ASCC1: variants seen among roughly 807,000 people sequenced by gnomAD.
ASCC1 encodes the protein ASC-1 complex subunit P50.
A neutral mutation model predicts 46.6 loss-of-function variants in ASCC1; 35 were observed. The observed-to-expected ratio is 0.75, with a 90% CI of 0.57 to 0.99. The LOEUF is 0.99. ASCC1 is among the 50% of genes least tolerant of loss of function. The probability of loss-of-function intolerance (pLI) is 0.00; values close to 1 mark genes in which losing one functional copy is unlikely to be tolerated. For missense variants in ASCC1, 376 were observed against 428.7 expected, an observed-to-expected ratio of 0.88 and a Z score of 1.09; for synonymous variants, 143 against 146.6, an observed-to-expected ratio of 0.98 and a Z score of 0.18.
At chr10:72,214,192 AAAC>A (rs140671862) in intron 1 of ASCC1, among the ~76,000 whole-genome samples, 11,520 of 151,374 alleles carry the variant, frequency 0.076, 1,160 homozygotes, top group African/African-American at 0.22. Context: ...GTCTCTCAAA[AAAC>A]AACAACAACA....
chr10:72,191,170 G>A (rs1266684011), intron 5 of ASCC1, among the ~76,000 whole-genome samples: 2 of 149,240 alleles, frequency 1.3e-5, no homozygotes, highest in African/African-American at 4.9e-5. Flanking sequence ...CGATTCTCCT[G>A]CCTCAGCCTC....
intron 9 of ASCC1, among the ~76,000 whole-genome samples, chr10:72,117,089 T>G (rs997032483): frequency 6.6e-5 from 10 of 151,906 alleles, no homozygotes; most frequent in African/African-American, 2.4e-4. Context: ...TGAGCCACCA[T>G]GCCTGGCTTT....
intron 7 of ASCC1, among the ~76,000 whole-genome samples, chr10:72,139,545 G>A (rs1484143622): frequency 2.0e-5 from 3 of 152,162 alleles, no homozygotes; most frequent in Non-Finnish European, 2.9e-5. Context: ...TATGAAAAAA[G>A]GAATGAATTA....
chr10:72,162,325 C>T (rs1849792742), intron 5 of ASCC1, among the ~76,000 whole-genome samples: 1 of 151,952 alleles, frequency 6.6e-6, no homozygotes, highest in South Asian at 2.1e-4. Flanking sequence ...CGCCCGCCAC[C>T]ACGCCCGGCT....
intron 9 of ASCC1, among the ~76,000 whole-genome samples, chr10:72,109,532 G>T (rs910027514): frequency 1.3e-5 from 2 of 152,186 alleles, no homozygotes; most frequent in Admixed American, 1.3e-4. Flanking sequence ...CAGACAAACA[G>T]AGCCAGGGAG....
At chr10:72,184,710 A>T (rs1027725864) in intron 5 of ASCC1, among the ~76,000 whole-genome samples, 11 of 152,030 alleles carry the variant, frequency 7.2e-5, no homozygotes, top group African/African-American at 2.7e-4. Context: ...AAGTAGATAC[A>T]AAATCAGTAT....
intron 9 of ASCC1, among the ~76,000 whole-genome samples, chr10:72,102,142 AATT>A (rs2131900444): frequency 6.6e-6 from 1 of 152,274 alleles, no homozygotes; most frequent in East Asian, 1.9e-4. Context: ...CTAAAATAAA[AATT>A]ACAAAAGAAA....
chr10:72,164,879 G>A (rs1338520871), intron 5 of ASCC1, among the ~76,000 whole-genome samples: 1 of 152,192 alleles, frequency 6.6e-6, no homozygotes, highest in Admixed American at 6.5e-5. Flanking sequence ...AACGATCAAT[G>A]ATGATGACAT....
intron 5 of ASCC1, among the ~76,000 whole-genome samples, chr10:72,167,488 T>C (rs1432825705): frequency 6.6e-6 from 1 of 151,922 alleles, no homozygotes; most frequent in African/African-American, 2.4e-5. Flanking sequence ...CTTTTTAGGG[T>C]GATGGAAATG....
intron 9 of ASCC1, among the ~76,000 whole-genome samples, chr10:72,118,259 T>C (rs1843727334): frequency 2.0e-5 from 3 of 149,638 alleles, no homozygotes; most frequent in Admixed American, 6.7e-5. Context: ...CCCAGCTACT[T>C]GGGAGGCTGA....
chr10:72,131,532 T>C (rs1845607714), intron 8 of ASCC1, among the ~76,000 whole-genome samples: 1 of 151,926 alleles, frequency 6.6e-6, no homozygotes, highest in Non-Finnish European at 1.5e-5. Flanking sequence ...AACAAGAGTA[T>C]ATAGGCTTTA....
At chr10:72,164,153 G>A (rs181681616) in intron 5 of ASCC1, among the ~76,000 whole-genome samples, 17 of 152,102 alleles carry the variant, frequency 1.1e-4, no homozygotes, top group Admixed American at 9.8e-4. Flanking sequence ...TGTAGACAGG[G>A]TTTTTACCAT....
At chr10:72,150,801 T>G (rs1298059700) in intron 7 of ASCC1, among the ~76,000 whole-genome samples, 1 of 152,198 alleles carries the variant, frequency 6.6e-6, no homozygotes, top group Non-Finnish European at 1.5e-5. Flanking sequence ...ATATGAACAC[T>G]TTTCAAAAGA....
intron 4 of ASCC1, among the ~76,000 whole-genome samples, chr10:72,201,647 A>G (rs1443575325): frequency 6.6e-6 from 1 of 152,072 alleles, no homozygotes; most frequent in Non-Finnish European, 1.5e-5. Context: ...GATGGAGCCA[A>G]TCAACTCTAG....
intron 8 of ASCC1, among the ~76,000 whole-genome samples, chr10:72,132,170 C>G (rs945715720): frequency 1.3e-5 from 2 of 151,998 alleles, no homozygotes; most frequent in Non-Finnish European, 2.9e-5. Flanking sequence ...CACCTGGCCC[C>G]CACCTAGATT....
In ASCC1 at chr10:72,213,319, T is replaced by G; in HGVS notation, c.-21A>C. On this transcript the variant is annotated 5_prime_UTR_variant, in exon 2 of 10. Transcript: ENST00000672957. ...TCCATGACACTTTCTCCAAATGATA[T>G]TCCAATTATGCCCTGAAAAATATAA... 6.6e-7 allele frequency: 1 copy of G among 1,522,872 alleles called. No individual in the cohort carries two copies. Among genetic ancestry groups the G allele is most frequent in the Non-Finnish European group, 9.1e-7 (1 of 1,097,738 alleles). 94.3% of individuals were successfully genotyped at this position (1,522,872 alleles called of 1,614,324 possible). A position where few individuals can be genotyped will look rare whatever the true frequency, so the allele number is the denominator to read the frequency against.
At chr10:72,167,973 G>A (rs950876233) in intron 5 of ASCC1, among the ~76,000 whole-genome samples, 15 of 152,196 alleles carry the variant, frequency 9.9e-5, no homozygotes, top group African/African-American at 3.4e-4. Context: ...GGGGGATCAC[G>A]AGGTCAGGAG....
chr10:72,131,375 C>T lies in ASCC1; in HGVS notation c.871+1682G>A, dbSNP rs368892562. ...CGGAGGTTGCAGTGAGCTGAGATGG[C>T]GCCACTGCACACTCCGGCCTGGGCG... On this transcript the variant is annotated intron_variant, in intron 8 of 9. Transcript: ENST00000672957. Among the ~76,000 whole-genome samples the T allele has an allele frequency of 3.3e-5, 5 of 151,690 alleles. No homozygotes were observed. In the East Asian group the frequency reaches 5.8e-4, roughly 18 times the overall value.
At chr10:72,193,267 T>C (rs1363327147) in intron 5 of ASCC1, among the ~76,000 whole-genome samples, 1 of 152,090 alleles carries the variant, frequency 6.6e-6, no homozygotes, top group Non-Finnish European at 1.5e-5. Context: ...GAGAAACAAA[T>C]TGTAGCATAT....
Sources: allele counts gnomAD v4.1 joint callset (sites outside exome capture counted in the v4.1 genomes callset), GRCh38; gene constraint gnomAD v4.1.1; transcripts MANE v1.5; gene names NCBI Gene and HGNC (gene_info 2026-07-23, HGNC 2026-07-21).